Variants in LZTFL1 observed in about 807,000 individuals in gnomAD.
The protein encoded by LZTFL1 is leucine zipper transcription factor-like protein 1.
In LZTFL1, 25 loss-of-function variants were observed where a neutral mutation model predicts 45.9. That is an observed-to-expected ratio of 0.54 (90% CI 0.40 to 0.76). The LOEUF (loss-of-function observed/expected upper bound fraction) is 0.76, where lower values mean the gene tolerates loss of function less well. Ranked by LOEUF, LZTFL1 falls within the 30% of genes least tolerant of loss-of-function variation. The pLI is 0.00. For synonymous variants in LZTFL1, 93 were observed against 117.4 expected (o/e 0.79, Z 1.35); for missense variants, 277 against 331.1 (o/e 0.84, Z 1.27).
chr3:45,894,078 C>A (rs1361990464), intron 2 of LZTFL1, among the ~76,000 whole-genome samples: 2 of 152,138 alleles, frequency 1.3e-5, no homozygotes, highest in African/African-American at 4.8e-5. Flanking sequence ...AAGGAAATGC[C>A]CCAGCTCAGG....
At chr3:45,903,630 G>A (rs1702621227) in intron 2 of LZTFL1, among the ~76,000 whole-genome samples, 1 of 152,158 alleles carries the variant, frequency 6.6e-6, no homozygotes, top group Non-Finnish European at 1.5e-5. Flanking sequence ...CACTTCTAAA[G>A]CACATGAGAA....
intron 2 of LZTFL1, among the ~76,000 whole-genome samples, chr3:45,871,840 G>A (rs2125717005): frequency 6.6e-6 from 1 of 152,322 alleles, no homozygotes; most frequent in South Asian, 2.1e-4. Context: ...CTGAAATCTG[G>A]CTTCCATGTT....
At chr3:45,826,815 C>T (rs561202954) in intron 9 of LZTFL1, among the ~76,000 whole-genome samples, 1 of 152,326 alleles carries the variant, frequency 6.6e-6, no homozygotes, top group East Asian at 1.9e-4. Flanking sequence ...GGAGCCACCA[C>T]TTTAGGTTTC....
At chr3:45,862,562 G>A (rs561882891) in intron 2 of LZTFL1, among the ~76,000 whole-genome samples, 3 of 152,336 alleles carry the variant, frequency 2.0e-5, no homozygotes, top group African/African-American at 7.2e-5. Context: ...ACCCTCGCGG[G>A]GAAACAGTGA....
At chr3:45,894,854 T>C (rs1702301447) in intron 2 of LZTFL1, 4 of 1,301,412 alleles carry the variant, frequency 3.1e-6, no homozygotes, top group Non-Finnish European at 3.3e-6. Flanking sequence ...CATTTGGTTG[T>C]TACTATTCGT....
Position 45,831,264 on chromosome 3 carries a change from T to C in LZTFL1, c.457-126A>G. 3 of 588,120 alleles carry C rather than the reference T, an allele frequency of 5.1e-6. 1 individual carries two copies. In the South Asian group the frequency reaches 8.4e-5, roughly 17 times the overall value. 36.4% of individuals were successfully genotyped at this position (588,120 alleles called of 1,614,324 possible). Reference sequence around the variant, plus strand: ...ACATAATAGCTCAAAAATGTACTACTGATATTTTGGTAATATCCCAATTTC... The same window carrying C: ...ACATAATAGCTCAAAAATGTACTACCGATATTTTGGTAATATCCCAATTTC... On this transcript the variant is annotated intron_variant, in intron 5 of 9. Transcript: ENST00000296135.
At position 45,901,705 on chromosome 3, in the gene LZTFL1, C is replaced by T; in HGVS notation, c.-215+11415G>A. 1 of 1,614,182 alleles carries T rather than the reference C, an allele frequency of 6.2e-7. No individual in the cohort carries two copies. Among genetic ancestry groups the T allele is most frequent in the African/African-American group, 1.3e-5 (1 of 75,056 alleles). ...TGCTTCCAGGTCACCCAGACCATCG[C>T]CTTCTTCCACAGTTGCCTGAACCCT... is the stretch of plus-strand genomic sequence containing the variant. On this transcript the variant is annotated intron_variant, in intron 2 of 4. Coordinates refer to the LZTFL1 transcript ENST00000472635. The surrounding 1 kb of genome is among the most constrained non-coding windows in gnomAD (Gnocchi z 4.3).
intron 4 of LZTFL1, among the ~76,000 whole-genome samples, chr3:45,851,756 G>T (rs957237479): frequency 2.6e-5 from 4 of 151,980 alleles, no homozygotes; most frequent in African/African-American, 7.3e-5. Flanking sequence ...GCTGACGCGG[G>T]AGGATGGCTT....
intron 2 of LZTFL1, among the ~76,000 whole-genome samples, chr3:45,872,581 C>G (rs536676384): frequency 6.6e-6 from 1 of 152,208 alleles, no homozygotes; most frequent in South Asian, 2.1e-4. Context: ...ATTACTGGGC[C>G]CCATCCGTAG....
rs199538061 is a variant in LZTFL1, at chr3:45,901,617, C to T, written c.-215+11503G>A. 5 of 1,614,230 alleles carry T rather than the reference C, an allele frequency of 3.1e-6. No individual in the cohort carries two copies. In the South Asian group the frequency reaches 5.5e-5, roughly 18 times the overall value. The stretch of plus-strand genomic sequence containing the variant: ...TCCCTACAACTGCATTTTGTTGGTG[C>T]AGACCATTGACGCCTATGCCATGTT... On this transcript the variant is annotated intron_variant, in intron 2 of 4. Coordinates refer to the LZTFL1 transcript ENST00000472635. The surrounding 1 kb of genome is among the most constrained non-coding windows in gnomAD (Gnocchi z 4.3).
intron 4 of LZTFL1, among the ~76,000 whole-genome samples, chr3:45,833,669 A>G (rs1396233952): frequency 6.6e-6 from 1 of 152,248 alleles, no homozygotes; most frequent in Non-Finnish European, 1.5e-5. Context: ...AATATGACCC[A>G]AAGGAATAAC....
At chr3:45,882,612 C>T (rs1008777935) in intron 2 of LZTFL1, among the ~76,000 whole-genome samples, 4 of 152,026 alleles carry the variant, frequency 2.6e-5, no homozygotes, top group African/African-American at 4.8e-5. Flanking sequence ...AAGAGGTAAC[C>T]GACTTGATCA....
Position 45,900,928 on chromosome 3 carries a change from C to A in LZTFL1, c.-215+12192G>T. 1 of 1,614,166 alleles carries A rather than the reference C, an allele frequency of 6.2e-7. No homozygotes were observed. Among genetic ancestry groups the A allele is most frequent in the Non-Finnish European group, 8.5e-7 (1 of 1,180,028 alleles). On this transcript the variant is annotated intron_variant, in intron 2 of 4. Coordinates refer to the LZTFL1 transcript ENST00000472635. This position sits in a 1 kb window ranked among gnomAD's most constrained non-coding sequence, Gnocchi z 4.7. ...GAGAAAAACAATGTCAGGCAGTTTG[C>A]GAGCCATTTCCTCCCACCCTTGTAC...
intron 2 of LZTFL1, among the ~76,000 whole-genome samples, chr3:45,862,519 A>G (rs184214751): frequency 1.4e-3 from 213 of 152,314 alleles, no homozygotes; most frequent in Admixed American, 4.1e-3. Flanking sequence ...CACAACAACA[A>G]CAACACTGTT....
intron 1 of LZTFL1, among the ~76,000 whole-genome samples, chr3:45,841,091 G>A (rs1374192429): frequency 6.6e-6 from 1 of 152,228 alleles, no homozygotes; most frequent in Non-Finnish European, 1.5e-5. Flanking sequence ...GTGTTCTCCT[G>A]ATATTTTAGG....
rs1701003193 is a variant in LZTFL1, at chr3:45,837,779, T to C, written c.128+148A>G. On this transcript the variant is annotated intron_variant, in intron 2 of 9. Transcript: ENST00000296135. ...AATACAACTTCTTTTGTTTCCTGTA[T>C]CCATGAGGCTTAGTGTAGCTGCTCT... The C allele has an allele frequency of 1.9e-5, 13 of 679,060 alleles. No individual in the cohort carries two copies. The South Asian group carries it at 4.2e-4, about 22-fold the overall frequency. The allele number at this position is 679,060 out of a possible 1,614,324, so 42.1% of individuals were successfully genotyped here.
intron 2 of LZTFL1, among the ~76,000 whole-genome samples, chr3:45,861,919 G>A (rs1351163036): frequency 6.6e-6 from 1 of 152,152 alleles, no homozygotes; most frequent in East Asian, 1.9e-4. Flanking sequence ...ATCCAAAAAA[G>A]CCATGTGGCT....
chr3:45,900,560 C>T lies in LZTFL1; in HGVS notation c.-215+12560G>A, dbSNP rs548103778. On this transcript the variant is annotated intron_variant, in intron 2 of 4. Coordinates refer to the LZTFL1 transcript ENST00000472635. This position sits in a 1 kb window ranked among gnomAD's most constrained non-coding sequence, Gnocchi z 4.7. ...TAAGTTTCCTGAGAGTGAAGCCACA[C>T]ATCTGACTTATTTATTATGGTTTCT... 6.6e-6 allele frequency among the ~76,000 whole-genome samples: 1 copy of T among 152,310 alleles called. No individual in the cohort carries two copies. The highest frequency in any genetic ancestry group is 2.4e-5 in the African/African-American group (1 of 41,574).
chr3:45,888,403 A>G (rs1246182010), intron 2 of LZTFL1, among the ~76,000 whole-genome samples: 1 of 152,100 alleles, frequency 6.6e-6, no homozygotes, highest in Non-Finnish European at 1.5e-5. Flanking sequence ...AACTCATAGC[A>G]CTTTCCCTTT....
Sources: allele counts gnomAD v4.1 joint callset (sites outside exome capture counted in the v4.1 genomes callset), GRCh38; gene constraint gnomAD v4.1.1; non-coding constraint Gnocchi (gnomAD v3.1); transcripts MANE v1.5; gene names NCBI Gene and HGNC (gene_info 2026-07-23, HGNC 2026-07-21).